CCDC91: variants seen among roughly 807,000 people sequenced by gnomAD.
The protein encoded by CCDC91 is coiled-coil domain containing 91, also known as coiled-coil domain-containing protein 91.
In CCDC91, 48 loss-of-function variants were observed where a neutral mutation model predicts 63.2. That is an observed-to-expected ratio of 0.76 (90% confidence interval 0.60 to 0.97). CCDC91 has a LOEUF of 0.97. Among genes scored for constraint, CCDC91 ranks in the 50% least tolerant of loss-of-function variants. CCDC91 has a pLI of 0.00. For synonymous variants in CCDC91, 167 were observed against 165.8 expected, an observed-to-expected ratio of 1.01 and a Z score of -0.06; for missense variants, 500 against 494.6, an observed-to-expected ratio of 1.01 and a Z score of -0.10.
At chr12:28,487,785 C>T (rs1457873892) in intron 12 of CCDC91, among the ~76,000 whole-genome samples, 2 of 151,706 alleles carry the variant, frequency 1.3e-5, no homozygotes, top group African/African-American at 4.8e-5. Flanking sequence ...TTTTGAAAAT[C>T]TTTGAAGGAA....
At chr12:28,369,251 G>T (rs1944459984) in intron 7 of CCDC91, among the ~76,000 whole-genome samples, 1 of 152,136 alleles carries the variant, frequency 6.6e-6, no homozygotes, top group African/African-American at 2.4e-5. Context: ...TACAGGCATT[G>T]GTAAATGCTC....
chr12:28,411,965 C>T (rs1947346386), intron 8 of CCDC91, among the ~76,000 whole-genome samples: 1 of 152,130 alleles, frequency 6.6e-6, no homozygotes, highest in South Asian at 2.1e-4. Context: ...CCCCCAACAC[C>T]ACCACATTGG....
chr12:28,435,785 T>C (rs1158516395), intron 8 of CCDC91, among the ~76,000 whole-genome samples: 1 of 151,810 alleles, frequency 6.6e-6, no homozygotes, highest in Non-Finnish European at 1.5e-5. Context: ...ATTGATACTT[T>C]GGTTGTGGGT....
At chr12:28,433,970 G>C (rs540759621) in intron 8 of CCDC91, among the ~76,000 whole-genome samples, 1 of 151,930 alleles carries the variant, frequency 6.6e-6, no homozygotes, top group South Asian at 2.1e-4. Context: ...AAATAGTAAT[G>C]TGTTTTTAAT....
chr12:28,341,268 G>A (rs2137981507), intron 6 of CCDC91, among the ~76,000 whole-genome samples: 1 of 152,192 alleles, frequency 6.6e-6, no homozygotes, highest in South Asian at 2.1e-4. Context: ...GGTGGTCTTG[G>A]GAGATGCAAC....
Position 28,203,903 on chromosome 12 carries a change from C to T in CCDC91, c.-15+13262C>T, listed in dbSNP as rs190444655. 3.3e-5 allele frequency among the ~76,000 whole-genome samples: 5 copies of T among 152,192 alleles called. No homozygotes were observed. The East Asian group carries it at 9.7e-4, about 29-fold the overall frequency. On this transcript the variant is annotated intron_variant, in intron 1 of 12. Coordinates refer to ENST00000536442, the MANE Select transcript of CCDC91 (RefSeq NM_018318.5). ...TGATTATACTGAATATTATTAAACA[C>T]TGTGTGCTATGCCTGAACATATTAC...
chr12:28,249,204 G>A (rs990839994), intron 1 of CCDC91, among the ~76,000 whole-genome samples: 3 of 152,156 alleles, frequency 2.0e-5, no homozygotes, highest in African/African-American at 7.2e-5. Context: ...TGGGTGTGTT[G>A]GGCAGCACTG....
chr12:28,539,223 G>C (rs1274496014), intron 12 of CCDC91, among the ~76,000 whole-genome samples: 1 of 152,072 alleles, frequency 6.6e-6, no homozygotes, highest in East Asian at 1.9e-4. Flanking sequence ...TTTCTTCTAG[G>C]GTTTTTATGG....
chr12:28,222,070 A>G (rs1020301706), intron 1 of CCDC91, among the ~76,000 whole-genome samples: 1 of 152,128 alleles, frequency 6.6e-6, no homozygotes, highest in African/African-American at 2.4e-5. Flanking sequence ...CAGTACTTGA[A>G]CATCATTATT....
chr12:28,335,542 G>A (rs1357473648), intron 6 of CCDC91, among the ~76,000 whole-genome samples: 1 of 150,650 alleles, frequency 6.6e-6, no homozygotes, highest in Non-Finnish European at 1.5e-5. Flanking sequence ...TGAGTGGGTG[G>A]GGCTACAGGT....
intron 12 of CCDC91, among the ~76,000 whole-genome samples, chr12:28,540,188 G>A (rs1942523284): frequency 6.6e-6 from 1 of 152,098 alleles, no homozygotes. Flanking sequence ...AACCTAGAAA[G>A]TAGTAAGTAG....
intron 8 of CCDC91, among the ~76,000 whole-genome samples, chr12:28,420,852 A>G (rs1392836194): frequency 6.6e-6 from 1 of 151,976 alleles, no homozygotes; most frequent in Non-Finnish European, 1.5e-5. Flanking sequence ...AGAATCCGCA[A>G]AATTTTTGAA....
intron 6 of CCDC91, among the ~76,000 whole-genome samples, chr12:28,337,117 C>G (rs1463950513): frequency 6.6e-6 from 1 of 151,968 alleles, no homozygotes. Flanking sequence ...GTCAATTGCC[C>G]CCAGTTAGAA....
intron 12 of CCDC91, among the ~76,000 whole-genome samples, chr12:28,521,418 A>G (rs544047506): frequency 6.6e-6 from 1 of 152,106 alleles, no homozygotes; most frequent in South Asian, 2.1e-4. Context: ...TTGCACATTG[A>G]TTCTGTATCC....
chr12:28,365,873 C>T (rs1944238881), intron 7 of CCDC91, among the ~76,000 whole-genome samples: 1 of 152,204 alleles, frequency 6.6e-6, no homozygotes, highest in East Asian at 1.9e-4. Flanking sequence ...GTTACTGTCT[C>T]ACCACCAGTC....
At chr12:28,224,853 A>G (rs1363901337) in intron 1 of CCDC91, among the ~76,000 whole-genome samples, 1 of 152,218 alleles carries the variant, frequency 6.6e-6, no homozygotes, top group East Asian at 1.9e-4. Context: ...GCTAGCGCAG[A>G]ATTACAACGG....
Position 28,394,168 on chromosome 12 carries a change from A to G in CCDC91, c.762+2757A>G, listed in dbSNP as rs115145694. On this transcript the variant is annotated intron_variant, in intron 8 of 12. Coordinates refer to ENST00000536442, the MANE Select transcript of CCDC91 (RefSeq NM_018318.5). ...TTCAGTATGATGCTTTTTAAGTGCT[A>G]CTTAAAAAGCAAAGATTAGTCGTTG... Among the ~76,000 whole-genome samples the G allele has an allele frequency of 9.2e-3, 1,403 of 152,258 alleles. 27 individuals are homozygous for G. Among genetic ancestry groups the G allele is most frequent in the African/African-American group, 0.032 (1,334 of 41,556 alleles).
intron 1 of CCDC91, among the ~76,000 whole-genome samples, chr12:28,224,433 G>A (rs751682213): frequency 4.6e-5 from 7 of 152,060 alleles, no homozygotes; most frequent in Non-Finnish European, 8.8e-5. Flanking sequence ...GTATAGGGGG[G>A]AGTATTTCCT....
At chr12:28,283,886 T>C (rs528416349) in intron 3 of CCDC91, among the ~76,000 whole-genome samples, 3 of 152,298 alleles carry the variant, frequency 2.0e-5, no homozygotes, top group Admixed American at 2.0e-4. Flanking sequence ...ATTTTAGATT[T>C]CAGGGTTTTG....
Sources: gnomAD v4.1 joint callset for allele counts (sites outside exome capture counted in the v4.1 genomes callset) on GRCh38, gnomAD v4.1.1 for gene constraint, MANE v1.5 for transcripts, NCBI Gene and HGNC (gene_info 2026-07-23, HGNC 2026-07-21) for gene names.